The following WDFY3 variants were observed in gnomAD, a reference collection of about 807,000 sequenced individuals.
WDFY3 encodes the protein WD repeat and FYVE domain containing 3.
In WDFY3, 66 loss-of-function variants were observed where a neutral mutation model predicts 409.6. The ratio of observed to expected loss-of-function variants is 0.16; its 90% CI spans 0.13 to 0.20. WDFY3 has a LOEUF of 0.20. Ranked by LOEUF, WDFY3 falls within the 10% of genes least tolerant of loss-of-function variation. The pLI, the probability that WDFY3 is intolerant of heterozygous loss-of-function variation, is 1.00. For missense variants in WDFY3, 3,031 were observed against 4,298.1 expected (o/e 0.71, Z 8.24); for synonymous variants, 1,521 against 1,537.1 (o/e 0.99, Z 0.25).
intron 47 of WDFY3, among the ~76,000 whole-genome samples, chr4:84,720,489 T>C (rs1236247024): frequency 1.3e-5 from 2 of 151,992 alleles, no homozygotes; most frequent in East Asian, 1.9e-4. Flanking sequence ...GTGATCCCCA[T>C]TGTTGGAGGT....
At chr4:84,808,054 T>C (rs1751816475) in intron 15 of WDFY3, among the ~76,000 whole-genome samples, 1 of 152,152 alleles carries the variant, frequency 6.6e-6, no homozygotes, top group Non-Finnish European at 1.5e-5. Flanking sequence ...GACATGTTTT[T>C]TCTATAACAA....
Position 84,677,193 on chromosome 4 carries a change from TCTTA to T in WDFY3, c.10457+2_10457+5del, listed in dbSNP as rs773755223. ...GTAAATTCAAAAAGCAGATATCTTA[TCTTA>T]CTTCTGGCAGAAGAGCTGACCACAG... On this transcript the variant is annotated splice_donor_variant and splice_donor_5th_base_variant and intron_variant, in intron 67 of 67. Transcript: ENST00000295888. LOFTEE classifies it high-confidence loss of function. 6.2e-7 allele frequency: 1 copy of T among 1,614,148 alleles called. No homozygotes were observed. Among genetic ancestry groups the T allele is most frequent in the Non-Finnish European group, 8.5e-7 (1 of 1,179,988 alleles).
chr4:84,840,984 T>G (rs1175710898), intron 6 of WDFY3, among the ~76,000 whole-genome samples, 170 bp downstream of exon 6: 1 of 152,166 alleles, frequency 6.6e-6, no homozygotes, highest in Admixed American at 6.5e-5. Flanking sequence ...ATCAAACTCC[T>G]TGCAGAGATG....
At chr4:84,704,158 C>T (rs575332729) in intron 55 of WDFY3, among the ~76,000 whole-genome samples, 180 bp downstream of exon 55, 1 of 152,252 alleles carries the variant, frequency 6.6e-6, no homozygotes, top group East Asian at 1.9e-4. Flanking sequence ...TTGTTCTAAG[C>T]GAATTCTAGT....
chr4:84,960,370 G>A (rs1579300120), intron 1 of WDFY3, among the ~76,000 whole-genome samples: 2 of 152,062 alleles, frequency 1.3e-5, no homozygotes, highest in Non-Finnish European at 2.9e-5. Flanking sequence ...CCTACCTACA[G>A]CATCCACACC....
At chr4:84,880,813 G>A (rs942953143) in intron 3 of WDFY3, among the ~76,000 whole-genome samples, 1 of 147,252 alleles carries the variant, frequency 6.8e-6, no homozygotes, top group Non-Finnish European at 1.5e-5. Flanking sequence ...TGCCTCCTGG[G>A]TTCAAGCAAT....
chr4:84,886,084 A>G (rs1764181544), intron 3 of WDFY3, among the ~76,000 whole-genome samples: 1 of 152,240 alleles, frequency 6.6e-6, no homozygotes, highest in Non-Finnish European at 1.5e-5. Context: ...ATACATTACA[A>G]TGTAACTTTT....
chr4:84,875,628 A>C (rs1048240338), intron 3 of WDFY3, among the ~76,000 whole-genome samples: 3 of 152,258 alleles, frequency 2.0e-5, no homozygotes, highest in Non-Finnish European at 4.4e-5. Flanking sequence ...CACGTAGCTT[A>C]AAACACAAAC....
At chr4:84,688,422 TC>T (rs368514710) in intron 61 of WDFY3, among the ~76,000 whole-genome samples, 157 bp from the exon 62 acceptor site, 135 of 152,226 alleles carry the variant, frequency 8.9e-4, no homozygotes, top group Middle Eastern at 3.4e-3. Flanking sequence ...AAGGCAGACC[TC>T]CTTTCTCCTC....
chr4:84,708,829 C>A (rs1050974769), intron 53 of WDFY3, 80 bp downstream of exon 53: 11 of 1,511,090 alleles, frequency 7.3e-6, no homozygotes, highest in South Asian at 1.2e-5. Context: ...GGATGAGCCA[C>A]TGCACCCCAC....
chr4:84,790,188 A>T (rs1307274840), intron 21 of WDFY3, among the ~76,000 whole-genome samples: 1 of 151,956 alleles, frequency 6.6e-6, no homozygotes, highest in African/African-American at 2.4e-5. Context: ...CATCTCTACT[A>T]AAAACACAAA....
At chr4:84,919,094 T>C (rs1399271939) in intron 2 of WDFY3, among the ~76,000 whole-genome samples, 1 of 151,940 alleles carries the variant, frequency 6.6e-6, no homozygotes, top group Non-Finnish European at 1.5e-5. Context: ...AAAAAAATGA[T>C]GGGAACATGT....
At chr4:84,948,294 T>C (rs1579251792) in intron 1 of WDFY3, among the ~76,000 whole-genome samples, 1 of 152,180 alleles carries the variant, frequency 6.6e-6, no homozygotes, top group Non-Finnish European at 1.5e-5. Context: ...GTGTGTAAGT[T>C]TGTTCATTTT....
intron 37 of WDFY3, 53 bp from the exon 38 acceptor site, chr4:84,741,974 G>T: frequency 4.1e-6 from 6 of 1,463,634 alleles, no homozygotes; most frequent in Non-Finnish European, 5.5e-6. Context: ...ACCAACACAG[G>T]ACCAGATCCT....
At chr4:84,843,514 TC>T (rs968656288) in intron 5 of WDFY3, among the ~76,000 whole-genome samples, 59 of 151,952 alleles carry the variant, frequency 3.9e-4, no homozygotes, top group Non-Finnish European at 8.8e-5. Flanking sequence ...TCCGCCTCAG[TC>T]CCCCATGTAG....
intron 1 of WDFY3, among the ~76,000 whole-genome samples, chr4:84,956,268 C>T (rs936901575): frequency 3.3e-5 from 5 of 152,052 alleles, no homozygotes. Context: ...GATCTCCACT[C>T]GTAACACAGG....
chr4:84,708,665 T>C (rs1373802329), intron 53 of WDFY3, among the ~76,000 whole-genome samples: 1 of 151,920 alleles, frequency 6.6e-6, no homozygotes, highest in Non-Finnish European at 1.5e-5. Context: ...CTCAGCCTCC[T>C]GAGTAGCTGG....
chr4:84,781,321 A>C (rs557815866), intron 25 of WDFY3, among the ~76,000 whole-genome samples: 1 of 152,088 alleles, frequency 6.6e-6, no homozygotes, highest in East Asian at 1.9e-4. Context: ...TAAAAAATAA[A>C]AGTAACATGC....
At chr4:84,741,633 A>G in intron 38 of WDFY3, 128 bp downstream of exon 38, 1 of 1,160,900 alleles carries the variant, frequency 8.6e-7, no homozygotes, top group East Asian at 2.7e-5. Context: ...TTCACTTTTA[A>G]TAAGCTTAGC....
Sources: gnomAD v4.1 joint callset for allele counts (sites outside exome capture counted in the v4.1 genomes callset) on GRCh38, gnomAD v4.1.1 for gene constraint, MANE v1.5 for transcripts, NCBI Gene and HGNC (gene_info 2026-07-23, HGNC 2026-07-21) for gene names.